The following UBR2 variants were observed in gnomAD, a reference collection of about 807,000 sequenced individuals.
UBR2 encodes E3 ubiquitin-protein ligase UBR2.
A neutral mutation model predicts 247.9 loss-of-function variants in UBR2; 92 were observed. That is an observed-to-expected ratio of 0.37 (90% confidence interval 0.31 to 0.44). The LOEUF is 0.44. Ranked by LOEUF, UBR2 falls within the 20% of genes least tolerant of loss-of-function variation. UBR2 has a pLI of 1.00. For missense variants in UBR2, 1,613 were observed against 2,112.6 expected (o/e 0.76, Z 4.64); for synonymous variants, 672 against 693.5 (o/e 0.97, Z 0.49).
At chr6:42,572,418 A>G (rs1209134646) in intron 1 of UBR2, among the ~76,000 whole-genome samples, 2 of 150,648 alleles carry the variant, frequency 1.3e-5, no homozygotes, top group Non-Finnish European at 3.0e-5. Context: ...TGAAGACCTT[A>G]TGTTGACTTC....
At chr6:42,591,156 A>G (rs1405795995) in intron 2 of UBR2, among the ~76,000 whole-genome samples, 1 of 152,132 alleles carries the variant, frequency 6.6e-6, no homozygotes, top group Non-Finnish European at 1.5e-5. Flanking sequence ...GGAGGCTGAG[A>G]TGGGAGGATT....
rs1203141543 is a variant in UBR2 at position 42,651,988 on chromosome 6, T to C, written c.2566-35T>C. 13 of 1,567,284 alleles carry C rather than the reference T, an allele frequency of 8.3e-6. No individual in the cohort carries two copies. In the South Asian group the frequency reaches 8.4e-5, roughly 10 times the overall value. On this transcript the variant is annotated intron_variant, in intron 23 of 46. Transcript: ENST00000372901. The stretch of plus-strand genomic sequence containing the variant: ...AACCAGGTGTGGTGGTGGGCATTAC[T>C]AATTCCCGGTCCAAATAACTTTATT...
At chr6:42,592,883 A>G (rs546438296) in intron 3 of UBR2, among the ~76,000 whole-genome samples, 1 of 152,324 alleles carries the variant, frequency 6.6e-6, no homozygotes, top group Admixed American at 6.5e-5. Context: ...ATGAACTAAA[A>G]CAGCTACGGG....
intron 7 of UBR2, among the ~76,000 whole-genome samples, chr6:42,609,752 A>G (rs912826042): frequency 6.6e-6 from 1 of 151,812 alleles, no homozygotes; most frequent in Non-Finnish European, 1.5e-5. Flanking sequence ...AAAATTAGCC[A>G]GGCGTGGTGG....
intron 45 of UBR2, 23 bp downstream of exon 45, chr6:42,688,409 T>C: frequency 2.5e-6 from 4 of 1,610,576 alleles, no homozygotes; most frequent in Non-Finnish European, 3.4e-6. Context: ...AGGGGCTTTT[T>C]AGCTTTGGAT....
At chr6:42,644,644 T>A in intron 20 of UBR2, 108 bp downstream of exon 20, 1 of 847,170 alleles carries the variant, frequency 1.2e-6, no homozygotes, top group Middle Eastern at 3.6e-4. Context: ...GGATGCTCAG[T>A]CTTAGGGGAA....
intron 32 of UBR2, 57 bp from the exon 33 acceptor site, chr6:42,665,351 CT>C: frequency 7.6e-7 from 1 of 1,315,286 alleles, no homozygotes; most frequent in Non-Finnish European, 1.1e-6. Flanking sequence ...TTTAAGGAGT[CT>C]TTTGTATCTT....
chr6:42,628,474 C>T (rs974421871), intron 11 of UBR2, among the ~76,000 whole-genome samples: 1 of 152,124 alleles, frequency 6.6e-6, no homozygotes, highest in Admixed American at 6.5e-5. Context: ...GTAATCCCAG[C>T]ACTTTGGGAG....
chr6:42,567,604 C>T (rs1388314849), intron 1 of UBR2, among the ~76,000 whole-genome samples: 1 of 152,176 alleles, frequency 6.6e-6, no homozygotes, highest in African/African-American at 2.4e-5. Context: ...TGGTGCACCC[C>T]TGTAATCCCA....
At position 42,632,787 on chromosome 6, in the gene UBR2, C is replaced by G; in HGVS notation, c.1446-18C>G. 1.3e-6 allele frequency: 2 copies of G among 1,590,610 alleles called. No homozygotes were observed. The highest frequency in any genetic ancestry group is 2.2e-5 in the East Asian group (1 of 44,690). On this transcript the variant is annotated intron_variant, in intron 12 of 46. Transcript: ENST00000372901. The stretch of plus-strand genomic sequence containing the variant: ...CAATGTTTATGTTAATTGCCACTGT[C>G]ACTTTTATCTTGTTCAGGTATGTGT...
rs10948038 is a variant in UBR2, at chr6:42,614,238, A to G, written c.986-833A>G. 8.9e-3 allele frequency among the ~76,000 whole-genome samples: 486 copies of G among 54,574 alleles called. 22 individuals carry two copies. The highest frequency in any genetic ancestry group is 0.029 in the African/African-American group (402 of 13,812). 35.8% of individuals were successfully genotyped at this position (54,574 alleles called of 152,430 possible). On this transcript the variant is annotated intron_variant, in intron 8 of 46. Coordinates refer to ENST00000372901, the MANE Select transcript of UBR2 (RefSeq NM_001363705.2). ...TATATACACACACACACACACACACACACACACGCGCGCACATATATATAC... is the reference window on the plus strand; with the variant it reads ...TATATACACACACACACACACACACGCACACACGCGCGCACATATATATAC...
At chr6:42,662,624 C>A (rs778978777) in intron 31 of UBR2, among the ~76,000 whole-genome samples, 1 of 152,136 alleles carries the variant, frequency 6.6e-6, no homozygotes, top group Non-Finnish European at 1.5e-5. Flanking sequence ...CTTTTGATTC[C>A]ATAGATGTTA....
At chr6:42,571,361 T>A (rs938669478) in intron 1 of UBR2, among the ~76,000 whole-genome samples, 10 of 151,558 alleles carry the variant, frequency 6.6e-5, no homozygotes, top group African/African-American at 2.4e-4. Context: ...GGAAAAAAAC[T>A]GGTTTTTAAA....
intron 16 of UBR2, 144 bp downstream of exon 16, chr6:42,640,414 G>A: frequency 1.9e-6 from 1 of 523,328 alleles, no homozygotes. Context: ...GTGTGTGTGT[G>A]TGTGTGTGTG....
rs59248267 is a variant in UBR2 at position 42,659,520 on chromosome 6, T to TACACACACAC, written c.3243-103_3243-94dup. 9.9e-6 allele frequency: 5 copies of TACACACACAC among 502,968 alleles called. No individual in the cohort carries two copies. Among genetic ancestry groups the TACACACACAC allele is most frequent in the Admixed American group, 3.7e-5 (1 of 27,390 alleles). The allele number at this position is 502,968 out of a possible 1,614,324, so 31.2% of individuals were successfully genotyped here. On this transcript the variant is annotated intron_variant, in intron 29 of 46. Coordinates refer to ENST00000372901, the MANE Select transcript of UBR2 (RefSeq NM_001363705.2). This position sits in a 1 kb window ranked among gnomAD's most constrained non-coding sequence, Gnocchi z 4.3. ...GTCTCAAAAAATAAATAAATATATATACACACACACACACACACACACACA... is the reference window on the plus strand; with the variant it reads ...GTCTCAAAAAATAAATAAATATATATACACACACACACACACACACACACACACACACACA...
chr6:42,632,673 C>T lies in UBR2; in HGVS notation c.1403C>T (p.Ala468Val). 5 of 1,612,140 alleles carry T rather than the reference C, an allele frequency of 3.1e-6. No homozygotes were observed. The highest frequency in any genetic ancestry group is 4.2e-6 in the Non-Finnish European group (5 of 1,179,238). The change falls in exon 12 of 47, where the codon GCC becomes GTC. Residue 468 changes from alanine (A) to valine (V), a missense_variant. Around this residue, in one of 3 missense-constraint regions of UBR2, gnomAD observed 1,524 missense variants for 1,967.3 expected, o/e 0.77. Transcript: ENST00000372901. ...FQFERYTALQ[A>V]FKFRRVQSLI... Reference sequence around the variant, plus strand: ...TTTGAACGATACACTGCTTTACAAGCCTTCAAATTTAGGAGAGTACAGAGC... The same window carrying T: ...TTTGAACGATACACTGCTTTACAAGTCTTCAAATTTAGGAGAGTACAGAGC...
In UBR2 at chr6:42,684,783, C is replaced by G. The variant is rs773904074; in HGVS notation, c.4776-11C>G. On this transcript the variant is annotated splice_polypyrimidine_tract_variant and intron_variant, in intron 43 of 46. Transcript: ENST00000372901. The stretch of plus-strand genomic sequence containing the variant: ...TAATGGAGTGTTCTTTAATTTTTCT[C>G]TTTTTTTCAGATATCCAAGAGAATC... 1 of 1,598,466 alleles carries G rather than the reference C, an allele frequency of 6.3e-7. No homozygotes were observed. Among genetic ancestry groups the G allele is most frequent in the African/African-American group, 1.3e-5 (1 of 74,416 alleles).
rs1562345018 is a variant in UBR2, at chr6:42,640,390, GT to G, written c.1920+121del. On this transcript the variant is annotated intron_variant, in intron 16 of 46. Transcript: ENST00000372901. ...GAGGAACAGAACCAGTAAGGTGTGT[GT>G]GTGTGTGTGTGTGTGTGTGTGTGTG... The G allele has an allele frequency of 7.1e-3, 341 of 47,942 alleles. 8 individuals are homozygous for G. The East Asian group carries it at 0.36, about 50-fold the overall frequency. 3.0% of individuals were successfully genotyped at this position (47,942 alleles called of 1,614,324 possible). A position where few individuals can be genotyped will look rare whatever the true frequency, so the allele number is the denominator to read the frequency against.
At chr6:42,614,379 T>A (rs1794362068) in intron 8 of UBR2, among the ~76,000 whole-genome samples, 1 of 143,106 alleles carries the variant, frequency 7.0e-6, no homozygotes, top group African/African-American at 2.6e-5. Context: ...TATGTGTGTA[T>A]ATATGTATGT....
Sources: allele counts gnomAD v4.1 joint callset (sites outside exome capture counted in the v4.1 genomes callset), GRCh38; gene constraint gnomAD v4.1.1; regional missense constraint gnomAD v4.1.1; non-coding constraint Gnocchi (gnomAD v3.1); transcripts MANE v1.5; gene names NCBI Gene and HGNC (gene_info 2026-07-23, HGNC 2026-07-21).